Variants in DROSHA observed in about 807,000 individuals in gnomAD.
The protein encoded by DROSHA is ribonuclease 3.
A neutral mutation model predicts 181.9 loss-of-function variants in DROSHA; 56 were observed. The observed-to-expected ratio is 0.31, with a 90% CI of 0.25 to 0.38. The LOEUF is 0.38. DROSHA is among the 10% of genes least tolerant of loss of function. The probability of loss-of-function intolerance (pLI) is 1.00; values close to 1 mark genes in which losing one functional copy is unlikely to be tolerated. For missense variants in DROSHA, 1,218 were observed against 1,743.5 expected, an observed-to-expected ratio of 0.70 and a Z score of 5.37; for synonymous variants, 524 against 591.2, an observed-to-expected ratio of 0.89 and a Z score of 1.65.
At chr5:31,420,687 C>T (rs187110891) in intron 30 of DROSHA, among the ~76,000 whole-genome samples, 1 of 151,996 alleles carries the variant, frequency 6.6e-6, no homozygotes, top group East Asian at 1.9e-4. Flanking sequence ...CTTGCATAGA[C>T]ATTTCTTCCC....
chr5:31,417,878 G>A (rs921381665), intron 30 of DROSHA, among the ~76,000 whole-genome samples: 1 of 152,058 alleles, frequency 6.6e-6, no homozygotes, highest in Non-Finnish European at 1.5e-5. Flanking sequence ...GATTGGGCAG[G>A]GGCATGAGTT....
At chr5:31,468,085 A>G (rs1749298766) in intron 17 of DROSHA, 22 bp from the exon 18 acceptor site, 7 of 1,601,492 alleles carry the variant, frequency 4.4e-6, no homozygotes, top group Non-Finnish European at 6.0e-6. Flanking sequence ...AATCAAAGCC[A>G]TTTATTCCCA....
At chr5:31,405,762 AG>A in intron 34 of DROSHA, 39 bp from the exon 35 acceptor site, 4 of 1,018,788 alleles carry the variant, frequency 3.9e-6, no homozygotes, top group Non-Finnish European at 5.5e-6. Context: ...TTTAATTTCA[AG>A]ATTCTTTTTT....
chr5:31,485,680 GTTCTTT>G (rs1046945182), intron 14 of DROSHA, among the ~76,000 whole-genome samples: 21 of 151,596 alleles, frequency 1.4e-4, no homozygotes, highest in African/African-American at 5.1e-4. Flanking sequence ...TGAAGGGGTG[GTTCTTT>G]TTCTTTAATT....
intron 29 of DROSHA, among the ~76,000 whole-genome samples, chr5:31,422,081 G>A (rs927902165): frequency 8.0e-6 from 1 of 125,206 alleles, no homozygotes; most frequent in Non-Finnish European, 1.6e-5. Context: ...AACAGAGTGA[G>A]ATCTGTCAGA....
At chr5:31,525,931 C>T in intron 5 of DROSHA, 148 bp downstream of exon 5, 8 of 802,694 alleles carry the variant, frequency 1.0e-5, no homozygotes, top group South Asian at 2.9e-5. Context: ...TTGTTTCTTC[C>T]TCTTGAAAAC....
intron 25 of DROSHA, 23 bp downstream of exon 25, chr5:31,435,742 A>T (rs1744706237): frequency 1.2e-6 from 2 of 1,605,088 alleles, no homozygotes; most frequent in African/African-American, 1.3e-5. Flanking sequence ...CGTAACTACA[A>T]ATGCTGCAGA....
At chr5:31,462,480 C>T (rs940671782) in intron 20 of DROSHA, among the ~76,000 whole-genome samples, 3 of 151,978 alleles carry the variant, frequency 2.0e-5, no homozygotes, top group Non-Finnish European at 4.4e-5. Flanking sequence ...CTACCAACCT[C>T]GAAACAGAAT....
chr5:31,455,134 A>G (rs1367167057), intron 20 of DROSHA, among the ~76,000 whole-genome samples: 1 of 152,062 alleles, frequency 6.6e-6, no homozygotes, highest in Non-Finnish European at 1.5e-5. Flanking sequence ...AAAAGGAGAT[A>G]AGCATTTCAA....
At chr5:31,421,192 C>A in intron 30 of DROSHA, 80 bp downstream of exon 30, 4 of 1,065,592 alleles carry the variant, frequency 3.8e-6, no homozygotes, top group Non-Finnish European at 5.7e-6. Flanking sequence ...AAATTAATTA[C>A]ATAGATATAT....
chr5:31,494,644 A>C (rs1053418092), intron 12 of DROSHA, among the ~76,000 whole-genome samples: 1 of 152,090 alleles, frequency 6.6e-6, no homozygotes. Flanking sequence ...AATAATGAGC[A>C]AAAATGGTAC....
intron 13 of DROSHA, among the ~76,000 whole-genome samples, chr5:31,490,117 C>G (rs1752230714): frequency 6.6e-6 from 1 of 151,318 alleles, no homozygotes; most frequent in African/African-American, 2.4e-5. Flanking sequence ...CTCAGGTGAT[C>G]TGCCCGCCTC....
Position 31,526,089 on chromosome 5 carries a change from C to T in DROSHA, c.844G>A (p.Glu282Lys), listed in dbSNP as rs748712078. The change falls in exon 5 of 36, where the codon GAA (glutamate) becomes AAA (lysine). Residue 282 changes from glutamate to lysine, a missense_variant. Transcript: ENST00000344624. ...ACACAAGCGGTTTACCTGCTCCGTTCGTAGCTGCGGTGGCGAGATGGTGTT... is the reference window on the plus strand; with the variant it reads ...ACACAAGCGGTTTACCTGCTCCGTTTGTAGCTGCGGTGGCGAGATGGTGTT... ...GRTPSRHRSY[E>K]RSRERERERH... is the part of the protein sequence containing the mutation. The T allele has an allele frequency of 3.8e-6, 6 of 1,590,060 alleles. No homozygotes were observed. Among genetic ancestry groups the T allele is most frequent in the East Asian group, 2.3e-5 (1 of 44,390 alleles).
In DROSHA at chr5:31,526,290, C is replaced by G. The variant is rs752260854; in HGVS notation, c.643G>C (p.Ala215Pro). ...RHLPPYPLPK[A>P]PSERRSPERL... The stretch of plus-strand genomic sequence containing the variant: ...TCTGGGGACCTTCTCTCACTGGGAG[C>G]CTTTGGGAGTGGGTATGGAGGGAGA... Residue 215 changes from alanine (A) to proline (P), a missense_variant, in exon 5 of 36, where the codon GCT becomes CCT. By Grantham distance (27) the Ala-to-Pro change is conservative. Around this residue, in one of 8 missense-constraint regions of DROSHA, gnomAD observed 536 missense variants for 535.4 expected, o/e 1.00. Coordinates refer to ENST00000344624, the MANE Select transcript of DROSHA (RefSeq NM_001382508.1). 5 of 1,613,638 alleles carry G rather than the reference C, an allele frequency of 3.1e-6. No homozygotes were observed. The highest frequency in any genetic ancestry group is 4.2e-6 in the Non-Finnish European group (5 of 1,179,852).
chr5:31,485,205 T>C (rs143309832), intron 14 of DROSHA, among the ~76,000 whole-genome samples: 23 of 152,246 alleles, frequency 1.5e-4, no homozygotes, highest in East Asian at 5.8e-4. Context: ...AATAAGAAAT[T>C]CAAAAAGTAA....
chr5:31,405,733 AAAAT>A lies in DROSHA; in HGVS notation c.3948-14_3948-11del. 2 of 1,511,484 alleles carry A rather than the reference AAAAT, an allele frequency of 1.3e-6. No homozygotes were observed. The highest frequency in any genetic ancestry group is 1.8e-6 in the Non-Finnish European group (2 of 1,131,470). The allele number at this position is 1,511,484 out of a possible 1,614,324, so 93.6% of individuals were successfully genotyped here. ...TTCCGCTTGCTGAATACTATTAAAT[AAAAT>A]AAAGTAAGACATACTTTAATTTCAA... On this transcript the variant is annotated splice_polypyrimidine_tract_variant and intron_variant, in intron 34 of 35. Coordinates refer to ENST00000344624, the MANE Select transcript of DROSHA (RefSeq NM_001382508.1).
intron 24 of DROSHA, among the ~76,000 whole-genome samples, chr5:31,436,788 ACACACAC>A (rs1175148170): frequency 7.8e-6 from 1 of 128,186 alleles, no homozygotes; most frequent in Admixed American, 8.3e-5. Context: ...ACACACACAC[ACACACAC>A]ACTAGAAAAT....
chr5:31,419,173 C>A (rs1002883710), intron 30 of DROSHA, among the ~76,000 whole-genome samples: 10 of 152,086 alleles, frequency 6.6e-5, no homozygotes, highest in Non-Finnish European at 1.3e-4. Context: ...GCTTGTGTTT[C>A]AAGAAGGAGG....
intron 11 of DROSHA, among the ~76,000 whole-genome samples, chr5:31,500,474 G>C (rs370608034): frequency 6.6e-6 from 1 of 152,350 alleles, no homozygotes. Flanking sequence ...GGCCCACGCT[G>C]AGCAAAGCTG....
Sources: gnomAD v4.1 joint callset for allele counts (sites outside exome capture counted in the v4.1 genomes callset) on GRCh38, gnomAD v4.1.1 for gene constraint, gnomAD v4.1.1 regional missense constraint, MANE v1.5 for transcripts, NCBI Gene and HGNC (gene_info 2026-07-23, HGNC 2026-07-21) for gene names.